Variants in MAP2K1 observed in about 807,000 individuals in gnomAD.
MAP2K1 encodes the protein dual specificity mitogen-activated protein kinase kinase 1.
MAP2K1 carries 16 observed loss-of-function variants against 46.3 expected under a neutral mutation model. That is an observed-to-expected ratio of 0.35 (90% CI 0.23 to 0.52). MAP2K1 has a LOEUF of 0.52. MAP2K1 is among the 20% of genes least tolerant of loss of function. The pLI is 0.94. For missense variants in MAP2K1, 263 were observed against 497.1 expected (o/e 0.53, Z 4.48); for synonymous variants, 183 against 185.6 (o/e 0.99, Z 0.11).
intron 5 of MAP2K1, among the ~76,000 whole-genome samples, chr15:66,459,617 C>CAA (rs11404258): frequency 0.2 from 27,964 of 142,974 alleles, 3,105 homozygotes; most frequent in Middle Eastern, 0.33. Context: ...GACACCATCT[C>CAA]AAAAAAAAAA....
intron 3 of MAP2K1, among the ~76,000 whole-genome samples, chr15:66,438,067 G>A (rs1419880692): frequency 2.7e-5 from 4 of 146,438 alleles, no homozygotes; most frequent in Non-Finnish European, 1.5e-5. Flanking sequence ...GTGATGAAGG[G>A]TTTTTTTCCC....
intron 1 of MAP2K1, among the ~76,000 whole-genome samples, chr15:66,406,192 A>C (rs928371461): frequency 1.3e-5 from 2 of 152,250 alleles, no homozygotes; most frequent in African/African-American, 4.8e-5. Flanking sequence ...ATGGAAAAAG[A>C]TGTCTTATTA....
chr15:66,391,912 C>T (rs560062271), intron 1 of MAP2K1, among the ~76,000 whole-genome samples: 1 of 152,278 alleles, frequency 6.6e-6, no homozygotes, highest in Admixed American at 6.5e-5. Flanking sequence ...TATTGTGCTA[C>T]AAATCTGCAT....
At chr15:66,391,644 A>C (rs149710465) in intron 1 of MAP2K1, among the ~76,000 whole-genome samples, 363 of 152,296 alleles carry the variant, frequency 2.4e-3, no homozygotes, top group South Asian at 0.014. Flanking sequence ...AGGTCCATAG[A>C]TGTTTGTTGA....
At chr15:66,459,593 G>T (rs937749951) in intron 5 of MAP2K1, among the ~76,000 whole-genome samples, 1 of 149,856 alleles carries the variant, frequency 6.7e-6, no homozygotes, top group African/African-American at 2.5e-5. Flanking sequence ...ACTCCAGTCT[G>T]GATGACAGAG....
At chr15:66,404,676 C>T (rs189906968) in intron 1 of MAP2K1, among the ~76,000 whole-genome samples, 2 of 152,302 alleles carry the variant, frequency 1.3e-5, no homozygotes, top group Admixed American at 1.3e-4. Context: ...AAACCACCAA[C>T]AGGTGTTTCG....
chr15:66,455,647 C>T (rs1168516645), intron 5 of MAP2K1, among the ~76,000 whole-genome samples: 4 of 152,146 alleles, frequency 2.6e-5, no homozygotes, highest in African/African-American at 7.2e-5. Flanking sequence ...GGTACATTGC[C>T]TTGGTTGTAC....
chr15:66,444,863 G>A lies in MAP2K1; in HGVS notation c.568+156G>A, dbSNP rs147364764. 21 of 676,940 alleles carry A rather than the reference G, an allele frequency of 3.1e-5. No homozygotes were observed. In the East Asian group the frequency reaches 5.7e-4, roughly 19 times the overall value. The allele number at this position is 676,940 out of a possible 1,614,324, so 41.9% of individuals were successfully genotyped here. On this transcript the variant is annotated intron_variant, in intron 5 of 10. Coordinates refer to ENST00000307102, the MANE Select transcript of MAP2K1 (RefSeq NM_002755.4). Reference sequence around the variant, plus strand: ...GTCTTTGTTTAGTTTGGTGGCTGAGGCAGCAACTCCTACCCTCTTTTTGGT... The same window carrying A: ...GTCTTTGTTTAGTTTGGTGGCTGAGACAGCAACTCCTACCCTCTTTTTGGT...
chr15:66,408,467 G>C (rs1238823975), intron 1 of MAP2K1, among the ~76,000 whole-genome samples: 2 of 152,198 alleles, frequency 1.3e-5, no homozygotes, highest in East Asian at 3.9e-4. Context: ...CTGCCTGACA[G>C]GCCCCACCCA....
chr15:66,420,097 A>C (rs1462991548), intron 1 of MAP2K1, among the ~76,000 whole-genome samples: 1 of 151,856 alleles, frequency 6.6e-6, no homozygotes, highest in Non-Finnish European at 1.5e-5. Flanking sequence ...TACAAAAATT[A>C]GCTGGGCATG....
At chr15:66,484,929 A>G in intron 6 of MAP2K1, 61 bp from the exon 7 acceptor site, 1 of 1,359,364 alleles carries the variant, frequency 7.4e-7, no homozygotes, top group Non-Finnish European at 1.1e-6. Context: ...GAGAAAATGC[A>G]TTAGCAGACC....
chr15:66,404,710 T>C (rs985628482), intron 1 of MAP2K1, among the ~76,000 whole-genome samples: 1 of 152,168 alleles, frequency 6.6e-6, no homozygotes, highest in East Asian at 1.9e-4. Flanking sequence ...AAGAATCAGC[T>C]TGATATGCAG....
chr15:66,448,729 C>T (rs1439468063), intron 5 of MAP2K1, among the ~76,000 whole-genome samples: 1 of 152,126 alleles, frequency 6.6e-6, no homozygotes, highest in East Asian at 1.9e-4. Flanking sequence ...ATTGGCTGGG[C>T]ACAGTGGCTC....
rs1473690179 is a variant in MAP2K1, at chr15:66,481,878, C to A, written c.692C>A (p.Ser231Ter). 1 of 1,613,562 alleles carries A rather than the reference C, an allele frequency of 6.2e-7. No individual in the cohort carries two copies. Among genetic ancestry groups the A allele is most frequent in the Non-Finnish European group, 8.5e-7 (1 of 1,179,626 alleles). Residue 231 changes from serine (S) to a stop codon, truncating the protein, a stop_gained and splice_region_variant, in exon 6 of 11, where the codon TCG (serine) becomes TAG (stop). Coordinates refer to ENST00000307102, the MANE Select transcript of MAP2K1 (RefSeq NM_002755.4). LOFTEE classifies it high-confidence loss of function. ...TTCGTGGGCACAAGGTCCTACATGT[C>A]GGTATGAACAGAAGTTTCCATTGCT... ...NSFVGTRSYM[S>*]PERLQGTHYS...
intron 1 of MAP2K1, among the ~76,000 whole-genome samples, chr15:66,401,175 TC>T (rs1444006854): frequency 6.6e-6 from 1 of 152,194 alleles, no homozygotes; most frequent in Non-Finnish European, 1.5e-5. Context: ...GCTTCCAGAT[TC>T]TTATTATTTA....
intron 2 of MAP2K1, among the ~76,000 whole-genome samples, chr15:66,435,836 G>A (rs1038366228): frequency 5.3e-5 from 8 of 152,136 alleles, no homozygotes; most frequent in African/African-American, 1.7e-4. Flanking sequence ...CAGCCCCAGC[G>A]ATGCACAAAA....
intron 5 of MAP2K1, among the ~76,000 whole-genome samples, chr15:66,455,411 T>C (rs1395788966): frequency 6.6e-6 from 1 of 152,208 alleles, no homozygotes; most frequent in African/African-American, 2.4e-5. Flanking sequence ...GCAAATTACA[T>C]CAATTTGATT....
chr15:66,414,681 C>G (rs967864759), intron 1 of MAP2K1, among the ~76,000 whole-genome samples: 5 of 152,132 alleles, frequency 3.3e-5, no homozygotes, highest in Non-Finnish European at 5.9e-5. Flanking sequence ...ATCTCTAGCC[C>G]TTTTACTCAC....
chr15:66,417,489 C>T (rs2093427362), intron 1 of MAP2K1, among the ~76,000 whole-genome samples: 1 of 152,066 alleles, frequency 6.6e-6, no homozygotes, highest in Non-Finnish European at 1.5e-5. Flanking sequence ...GAGGGAGGAT[C>T]GCCTGAGCCC....
Sources: allele counts gnomAD v4.1 joint callset (sites outside exome capture counted in the v4.1 genomes callset), GRCh38; gene constraint gnomAD v4.1.1; transcripts MANE v1.5; gene names NCBI Gene and HGNC (gene_info 2026-07-23, HGNC 2026-07-21).